The following ZFHX3 variants were observed in gnomAD, a reference collection of about 807,000 sequenced individuals.
ZFHX3 encodes zinc finger homeobox 3, also known as zinc finger homeobox protein 3.
A neutral mutation model predicts 279.1 loss-of-function variants in ZFHX3; 42 were observed. The observed-to-expected ratio is 0.15, with a 90% CI of 0.12 to 0.19. ZFHX3 has a LOEUF of 0.19. ZFHX3 is among the 10% of genes least tolerant of loss of function. The probability of loss-of-function intolerance (pLI) is 1.00; values close to 1 mark genes in which losing one functional copy is unlikely to be tolerated. For missense variants in ZFHX3, 4,981 were observed against 4,754.0 expected, an observed-to-expected ratio of 1.05 and a Z score of -1.40; for synonymous variants, 2,293 against 1,957.8, an observed-to-expected ratio of 1.17 and a Z score of -4.52.
intron 4 of ZFHX3, among the ~76,000 whole-genome samples, chr16:73,272,768 A>G (rs190269270): frequency 1.6e-4 from 24 of 152,292 alleles, no homozygotes; most frequent in Non-Finnish European, 2.9e-4. Flanking sequence ...GTTTTTTGAG[A>G]CAGAGTGTTA....
chr16:72,871,791 T>A (rs992036571), intron 4 of ZFHX3, among the ~76,000 whole-genome samples: 7 of 151,890 alleles, frequency 4.6e-5, no homozygotes, highest in Non-Finnish European at 8.8e-5. Context: ...TTTTAAAAAT[T>A]TTTTAAGGAA....
chr16:73,205,060 G>A lies in ZFHX3; in HGVS notation c.-1104+51987C>T, dbSNP rs377568883. On this transcript the variant is annotated intron_variant, in intron 5 of 17. Transcript: ENST00000641206. ...TTATTGTGGGGTAAGACACTAGCAA[G>A]TGGAATAACGAGTGTGGGCTGCTCA... 2.6e-5 allele frequency among the ~76,000 whole-genome samples: 4 copies of A among 152,286 alleles called. No homozygotes were observed. The East Asian group carries it at 5.8e-4, about 22-fold the overall frequency.
intron 4 of ZFHX3, among the ~76,000 whole-genome samples, chr16:72,857,395 A>G (rs1397131789): frequency 6.6e-6 from 1 of 152,228 alleles, no homozygotes; most frequent in Non-Finnish European, 1.5e-5. Flanking sequence ...AAAATAAAAA[A>G]TAAAGACTAA....
intron 9 of ZFHX3, among the ~76,000 whole-genome samples, chr16:72,792,435 CCA>C (rs2035741492): frequency 6.6e-6 from 1 of 152,102 alleles, no homozygotes; most frequent in Admixed American, 6.6e-5. Context: ...TAAGGATCTA[CCA>C]CATAAGACCT....
chr16:73,487,319 A>T (rs1034376959), intron 2 of ZFHX3: 2 of 327,004 alleles, frequency 6.1e-6, no homozygotes, highest in African/African-American at 4.3e-5. Flanking sequence ...GCAGTTACTC[A>T]AATGTCTTCT....
At chr16:73,481,609 T>C (rs1411532189) in intron 2 of ZFHX3, among the ~76,000 whole-genome samples, 1 of 147,354 alleles carries the variant, frequency 6.8e-6, no homozygotes. Flanking sequence ...TTAATGTGCG[T>C]GGTGTTGTTT....
rs59350988 is a variant in ZFHX3, at chr16:72,974,568, A to AACAC, written c.-49-14378_-49-14375dup. On this transcript the variant is annotated intron_variant, in intron 1 of 9. Coordinates refer to ENST00000268489, the MANE Select transcript of ZFHX3 (RefSeq NM_006885.4). ...CCCTTTGGAGGCTCACTGATAGGGC[A>AACAC]ACACACACACACACACACACACACA... is the stretch of plus-strand genomic sequence containing the variant. 4.7e-3 allele frequency among the ~76,000 whole-genome samples: 696 copies of AACAC among 148,358 alleles called. 3 individuals carry two copies. The highest frequency in any genetic ancestry group is 0.014 in the Middle Eastern group (4 of 290).
intron 1 of ZFHX3, among the ~76,000 whole-genome samples, chr16:72,964,652 T>C (rs374703894): frequency 3.7e-5 from 5 of 136,654 alleles, no homozygotes; most frequent in African/African-American, 1.1e-4. Context: ...GGTGACAAAA[T>C]GAGACTTGGT....
At chr16:72,953,064 G>A (rs758697858) in intron 2 of ZFHX3, among the ~76,000 whole-genome samples, 1 of 151,738 alleles carries the variant, frequency 6.6e-6, no homozygotes, top group Non-Finnish European at 1.5e-5. Flanking sequence ...TTTTCTTATT[G>A]ACGCTACACA....
chr16:73,077,361 C>CT (rs532748702), intron 8 of ZFHX3, among the ~76,000 whole-genome samples: 101 of 147,886 alleles, frequency 6.8e-4, no homozygotes, highest in African/African-American at 1.4e-3. Context: ...AATTGGTAAT[C>CT]TTTTTTTTTT....
intron 2 of ZFHX3, among the ~76,000 whole-genome samples, chr16:73,539,301 T>C (rs1481979303): frequency 6.6e-6 from 1 of 151,908 alleles, no homozygotes; most frequent in Non-Finnish European, 1.5e-5. Context: ...TCCACATTGT[T>C]ATCAGGTGAA....
rs1457218112 is a variant in ZFHX3 at position 72,785,103 on chromosome 16, T to C, written c.*2061A>G. 2.0e-5 allele frequency: 3 copies of C among 152,610 alleles called. No individual in the cohort carries two copies. The highest frequency in any genetic ancestry group is 7.2e-5 in the African/African-American group (3 of 41,416). 9.5% of individuals were successfully genotyped at this position (152,610 alleles called of 1,614,324 possible). ...CGAAGGGAAGAAGGATTTCACACTT[T>C]GGGGGCAAGGGGAGATGGTTTCTGT... On this transcript the variant is annotated 3_prime_UTR_variant, in exon 10 of 10. Transcript: ENST00000268489.
intron 4 of ZFHX3, among the ~76,000 whole-genome samples, chr16:72,849,525 C>T (rs1468168231): frequency 1.3e-5 from 2 of 152,180 alleles, no homozygotes; most frequent in African/African-American, 4.8e-5. Context: ...GCCCACTTTC[C>T]ACACTGCCAC....
At chr16:73,051,600 C>T (rs1965451438), upstream of ZFHX3, among the ~76,000 whole-genome samples, 1 of 152,218 alleles carries the variant, frequency 6.6e-6, no homozygotes, top group Admixed American at 6.5e-5. Flanking sequence ...TATCTAATTT[C>T]CTTACCCACC....
At chr16:72,839,204 C>T (rs1474887073) in intron 4 of ZFHX3, among the ~76,000 whole-genome samples, 1 of 151,956 alleles carries the variant, frequency 6.6e-6, no homozygotes, top group Non-Finnish European at 1.5e-5. Context: ...TTCCCCCCCC[C>T]ATTTTCCAGT....
At chr16:73,096,339 C>T (rs1966163570) in intron 7 of ZFHX3, among the ~76,000 whole-genome samples, 1 of 151,264 alleles carries the variant, frequency 6.6e-6, no homozygotes. Context: ...CTTACAGCAG[C>T]CCTGCACATT....
intron 2 of ZFHX3, among the ~76,000 whole-genome samples, chr16:73,466,717 A>G (rs1389392251): frequency 1.3e-5 from 2 of 152,204 alleles, no homozygotes; most frequent in Non-Finnish European, 2.9e-5. Flanking sequence ...GGCAGTGTTC[A>G]TCAAACTAAC....
intron 1 of ZFHX3, among the ~76,000 whole-genome samples, chr16:73,869,965 G>T (rs1002730235): frequency 6.6e-6 from 1 of 152,294 alleles, no homozygotes. Flanking sequence ...CAATTCTCGT[G>T]TATCTTCTCT....
At chr16:73,119,886 C>T (rs553121014) in intron 7 of ZFHX3, among the ~76,000 whole-genome samples, 66 of 152,150 alleles carry the variant, frequency 4.3e-4, no homozygotes, top group African/African-American at 1.6e-3. Context: ...CAGGGGCTTG[C>T]TATGTTTCCC....
Sources: allele counts gnomAD v4.1 joint callset (sites outside exome capture counted in the v4.1 genomes callset), GRCh38; gene constraint gnomAD v4.1.1; transcripts MANE v1.5; gene names NCBI Gene and HGNC (gene_info 2026-07-23, HGNC 2026-07-21).